The following RAB7A variants were observed in gnomAD, a reference collection of about 807,000 sequenced individuals.
The protein encoded by RAB7A is RAB7A, member RAS oncogene family.
Under a neutral mutation model 24.5 loss-of-function variants are expected in RAB7A, and 2 were observed. The ratio of observed to expected loss-of-function variants is 0.08; its 90% confidence interval spans 0.03 to 0.26. The LOEUF is 0.26. RAB7A is among the 10% of genes least tolerant of loss of function. The probability of loss-of-function intolerance (pLI) is 1.00; values close to 1 mark genes in which losing one functional copy is unlikely to be tolerated. For synonymous variants in RAB7A, 100 were observed against 95.9 expected (o/e 1.04, Z -0.25); for missense variants, 118 against 255.7 (o/e 0.46, Z 3.67).
chr3:128,734,154 GCA>G (rs1306642850), intron 1 of RAB7A, among the ~76,000 whole-genome samples: 1 of 152,136 alleles, frequency 6.6e-6, no homozygotes, highest in Non-Finnish European at 1.5e-5. Flanking sequence ...GTTCGGCCAG[GCA>G]CAGTGGCTCA....
chr3:128,773,956 G>C (rs1441075339), intron 1 of RAB7A, among the ~76,000 whole-genome samples: 2 of 151,178 alleles, frequency 1.3e-5, no homozygotes, highest in Non-Finnish European at 2.9e-5. Context: ...AAGGCCTCAG[G>C]GTCCTCTGCC....
At chr3:128,783,455 G>C (rs980404625) in intron 1 of RAB7A, among the ~76,000 whole-genome samples, 20 of 152,118 alleles carry the variant, frequency 1.3e-4, no homozygotes, top group African/African-American at 4.1e-4. Flanking sequence ...ATTACATTAG[G>C]GGGTGAGGTG....
chr3:128,799,413 T>C (rs991720727), intron 3 of RAB7A, among the ~76,000 whole-genome samples: 1 of 152,224 alleles, frequency 6.6e-6, no homozygotes, highest in African/African-American at 2.4e-5. Flanking sequence ...AGTTGTTCTT[T>C]CCTATGTGCT....
intron 1 of RAB7A, among the ~76,000 whole-genome samples, chr3:128,770,979 T>C (rs1041077134): frequency 6.6e-6 from 1 of 152,002 alleles, no homozygotes; most frequent in Non-Finnish European, 1.5e-5. Flanking sequence ...TGACTTTTTT[T>C]TTTTTTTTGA....
intron 1 of RAB7A, among the ~76,000 whole-genome samples, chr3:128,787,621 T>C (rs1933367541): frequency 1.3e-5 from 2 of 152,260 alleles, no homozygotes; most frequent in South Asian, 4.1e-4. Context: ...TTGATGGCTT[T>C]GCAGATATAG....
chr3:128,797,339 A>G (rs73198861), intron 2 of RAB7A, among the ~76,000 whole-genome samples: 6,322 of 152,328 alleles, frequency 0.042, 179 homozygotes, highest in Non-Finnish European at 0.058. Flanking sequence ...ACCTTATCAC[A>G]CAAAAATCAC....
intron 1 of RAB7A, chr3:128,749,338 T>C (rs1437613935): frequency 6.6e-6 from 1 of 152,222 alleles, no homozygotes; most frequent in Non-Finnish European, 1.5e-5. Context: ...TGAATATATA[T>C]ATACTTTGGT....
At chr3:128,787,969 C>T (rs924732325) in intron 1 of RAB7A, among the ~76,000 whole-genome samples, 2 of 152,242 alleles carry the variant, frequency 1.3e-5, no homozygotes, top group South Asian at 2.1e-4. Flanking sequence ...CTGCCTCAGC[C>T]TCCCAGAGTT....
chr3:128,792,860 T>TTC (rs1559793988), intron 1 of RAB7A, among the ~76,000 whole-genome samples: 62 of 120,674 alleles, frequency 5.1e-4, no homozygotes, highest in Non-Finnish European at 8.7e-4. Context: ...TTTATTTATT[T>TTC]ATTCATTTGA....
chr3:128,742,561 AATCCTCTAGCTAGACGT>A (rs1366662904), intron 1 of RAB7A, among the ~76,000 whole-genome samples: 1 of 152,194 alleles, frequency 6.6e-6, no homozygotes, highest in Non-Finnish European at 1.5e-5. Flanking sequence ...GTGTGTTTAC[AATCCTCTAGCTAGACGT>A]AAAAGTTCTC....
At chr3:128,765,612 A>G (rs2070822950) in intron 1 of RAB7A, among the ~76,000 whole-genome samples, 1 of 152,128 alleles carries the variant, frequency 6.6e-6, no homozygotes, top group Non-Finnish European at 1.5e-5. Flanking sequence ...TGAGGGTCAC[A>G]CTTCTGGATG....
chr3:128,729,474 G>T (rs569313695), intron 1 of RAB7A, among the ~76,000 whole-genome samples: 1 of 151,660 alleles, frequency 6.6e-6, no homozygotes, highest in Admixed American at 6.6e-5. Context: ...TGAGGCTGAG[G>T]CAGGAGAATG....
At chr3:128,750,722 C>T (rs529503467) in intron 1 of RAB7A, among the ~76,000 whole-genome samples, 1 of 152,304 alleles carries the variant, frequency 6.6e-6, no homozygotes, top group Admixed American at 6.5e-5. Flanking sequence ...GAAATTCAAG[C>T]CCTTACAGAA....
intron 1 of RAB7A, among the ~76,000 whole-genome samples, chr3:128,746,963 C>T (rs1001927207): frequency 6.6e-6 from 1 of 151,648 alleles, no homozygotes; most frequent in African/African-American, 2.4e-5. Context: ...TCACATGGTA[C>T]CCATAAATGT....
chr3:128,776,987 C>CA (rs1559790079), intron 1 of RAB7A, among the ~76,000 whole-genome samples: 3 of 143,712 alleles, frequency 2.1e-5, no homozygotes, highest in Non-Finnish European at 4.6e-5. Context: ...CACACACACA[C>CA]CCCTATTAGT....
intron 1 of RAB7A, among the ~76,000 whole-genome samples, chr3:128,734,257 C>G (rs560931840): frequency 6.6e-6 from 1 of 152,118 alleles, no homozygotes; most frequent in African/African-American, 2.4e-5. Flanking sequence ...TAGCGAAACC[C>G]TGTGTCTACT....
intron 2 of RAB7A, among the ~76,000 whole-genome samples, chr3:128,796,640 T>A (rs1275510284): frequency 1.3e-5 from 2 of 152,194 alleles, no homozygotes; most frequent in African/African-American, 4.8e-5. Context: ...CTTGACTGGC[T>A]TATTTGAATC....
At chr3:128,749,321 A>G (rs759536962) in intron 1 of RAB7A, 1 of 152,134 alleles carries the variant, frequency 6.6e-6, no homozygotes, top group Non-Finnish European at 1.5e-5. Flanking sequence ...CAGGACCTTC[A>G]TTATACTGAA....
intron 1 of RAB7A, among the ~76,000 whole-genome samples, chr3:128,752,060 C>CG (rs1037465978): frequency 6.6e-6 from 1 of 152,216 alleles, no homozygotes; most frequent in African/African-American, 2.4e-5. Flanking sequence ...AGTTAAACCT[C>CG]TTTCTTTTGT....
Sources: allele counts gnomAD v4.1 joint callset (sites outside exome capture counted in the v4.1 genomes callset), GRCh38; gene constraint gnomAD v4.1.1; transcripts MANE v1.5; gene names NCBI Gene and HGNC (gene_info 2026-07-23, HGNC 2026-07-21).